The following LOXHD1 variants were observed in gnomAD, a reference collection of about 807,000 sequenced individuals.
LOXHD1 encodes the protein lipoxygenase homology PLAT domains 1, also known as lipoxygenase homology domain-containing protein 1.
Under a neutral mutation model 248.2 loss-of-function variants are expected in LOXHD1, and 205 were observed. That is an observed-to-expected ratio of 0.83 (90% CI 0.74 to 0.93). LOXHD1 has a LOEUF of 0.93. LOXHD1 is among the 40% of genes least tolerant of loss of function. The pLI is 0.00. For synonymous variants in LOXHD1, 1,113 were observed against 1,162.8 expected, an observed-to-expected ratio of 0.96 and a Z score of 0.87; for missense variants, 2,930 against 2,971.6, an observed-to-expected ratio of 0.99 and a Z score of 0.33.
intron 36 of LOXHD1, among the ~76,000 whole-genome samples, 195 bp from the exon 37 acceptor site, chr18:46,506,218 T>C (rs1288094860): frequency 1.3e-5 from 2 of 152,210 alleles, no homozygotes; most frequent in East Asian, 1.9e-4. Flanking sequence ...TCATCTTATC[T>C]TTGTGCCTTA....
intron 20 of LOXHD1, chr18:46,557,782 C>T (rs1293578874): frequency 9.1e-7 from 1 of 1,097,868 alleles, no homozygotes; most frequent in Non-Finnish European, 1.2e-6. Flanking sequence ...GATAGGTTTG[C>T]TGGATGCCCA....
intron 12 of LOXHD1, among the ~76,000 whole-genome samples, chr18:46,586,664 T>C (rs1432409226): frequency 6.6e-6 from 1 of 152,160 alleles, no homozygotes; most frequent in Non-Finnish European, 1.5e-5. Flanking sequence ...GCCAAGCTGG[T>C]CTCGAACTCC....
chr18:46,639,614 A>C lies in LOXHD1; in HGVS notation c.511+2T>G, dbSNP rs766563290. The C allele has an allele frequency of 6.4e-7, 1 of 1,550,484 alleles. No homozygotes were observed. Among genetic ancestry groups the C allele is most frequent in the Non-Finnish European group, 8.7e-7 (1 of 1,146,178 alleles). The stretch of plus-strand genomic sequence containing the variant: ...GGCAGGCAGGCCAGCCTAGGCACTG[A>C]CCTCTGGGCATGTCCATGGGGTTGA... On this transcript the variant is annotated splice_donor_variant, in intron 4 of 40. Transcript: ENST00000642948. LOFTEE classifies it high-confidence loss of function.
chr18:46,618,320 C>G, intron 4 of LOXHD1, 30 bp from the exon 5 acceptor site: 1 of 1,469,692 alleles, frequency 6.8e-7, no homozygotes, highest in Non-Finnish European at 9.3e-7. Flanking sequence ...AAAACCTTAG[C>G]TCATCAGGAT....
intron 8 of LOXHD1, among the ~76,000 whole-genome samples, chr18:46,600,845 A>AAT (rs1240447060): frequency 6.6e-6 from 1 of 152,190 alleles, no homozygotes; most frequent in Non-Finnish European, 1.5e-5. Flanking sequence ...TACAGTTATT[A>AAT]ATATATATTC....
chr18:46,478,063 A>T, intron 40 of LOXHD1, 111 bp from the exon 41 acceptor site: 1 of 1,371,906 alleles, frequency 7.3e-7, no homozygotes, highest in Non-Finnish European at 9.7e-7. Flanking sequence ...TCCCAAGGTG[A>T]TGGGATATTG....
intron 25 of LOXHD1, 29 bp from the exon 26 acceptor site, chr18:46,538,366 A>G: frequency 6.5e-7 from 1 of 1,529,922 alleles, no homozygotes; most frequent in Non-Finnish European, 8.9e-7. Context: ...GGGCAAAGCC[A>G]GAGTGGATGA....
chr18:46,573,940 G>T (rs997328022), intron 14 of LOXHD1, among the ~76,000 whole-genome samples: 1 of 152,066 alleles, frequency 6.6e-6, no homozygotes, highest in Non-Finnish European at 1.5e-5. Flanking sequence ...ATGACAGGGG[G>T]ATTTGGGAAC....
At chr18:46,557,871 T>C in intron 20 of LOXHD1, 2 of 1,164,228 alleles carry the variant, frequency 1.7e-6, no homozygotes, top group African/African-American at 1.5e-5. Context: ...GTGTGCATAA[T>C]CTGCTTCAAT....
intron 4 of LOXHD1, among the ~76,000 whole-genome samples, chr18:46,630,529 C>A (rs2038806439): frequency 6.6e-6 from 1 of 152,222 alleles, no homozygotes; most frequent in Non-Finnish European, 1.5e-5. Context: ...CATCCCAAAT[C>A]TACCTGGAGA....
intron 26 of LOXHD1, among the ~76,000 whole-genome samples, chr18:46,537,246 C>G (rs1455590552): frequency 6.6e-6 from 1 of 152,180 alleles, no homozygotes; most frequent in Non-Finnish European, 1.5e-5. Context: ...AGAGCCAGTC[C>G]TCCTGGGTTT....
intron 35 of LOXHD1, 75 bp from the exon 36 acceptor site, chr18:46,507,787 C>T (rs1362907197): frequency 6.9e-7 from 1 of 1,445,720 alleles, no homozygotes; most frequent in Admixed American, 2.1e-5. Context: ...CTCATGCAGC[C>T]CCTCCCCGAA....
intron 21 of LOXHD1, among the ~76,000 whole-genome samples, chr18:46,549,541 G>C (rs1171050916): frequency 6.6e-6 from 1 of 152,160 alleles, no homozygotes; most frequent in Non-Finnish European, 1.5e-5. Context: ...CTAACAAGCT[G>C]TGAGATCCTA....
chr18:46,607,490 G>T (rs1335807168), intron 6 of LOXHD1, among the ~76,000 whole-genome samples: 1 of 149,922 alleles, frequency 6.7e-6, no homozygotes, highest in Non-Finnish European at 1.5e-5. Flanking sequence ...GGTGATAAGT[G>T]ATATATATAT....
At chr18:46,524,011 C>T (rs1298719997) in intron 31 of LOXHD1, among the ~76,000 whole-genome samples, 1 of 152,196 alleles carries the variant, frequency 6.6e-6, no homozygotes, top group African/African-American at 2.4e-5. Context: ...TGCCAGGGAA[C>T]TCTGATATTG....
chr18:46,622,434 C>T (rs972138732), intron 4 of LOXHD1, among the ~76,000 whole-genome samples: 8 of 152,152 alleles, frequency 5.3e-5, no homozygotes, highest in Non-Finnish European at 8.8e-5. Flanking sequence ...ATTCTTAGCT[C>T]GGGGTCCACA....
In LOXHD1 at chr18:46,483,760, AG is replaced by A; in HGVS notation, c.6183-16del. 6 of 1,549,016 alleles carry A rather than the reference AG, an allele frequency of 3.9e-6. No homozygotes were observed. The highest frequency in any genetic ancestry group is 5.2e-6 in the Non-Finnish European group (6 of 1,145,512). On this transcript the variant is annotated splice_polypyrimidine_tract_variant and intron_variant, in intron 39 of 40. Transcript: ENST00000642948. ...CTGTGGTCCCCCTGCAGGAAACAAAAGTGTGGTCCATGAGCTGCCTTTGCCC... is the reference window on the plus strand; with the variant it reads ...CTGTGGTCCCCCTGCAGGAAACAAAATGTGGTCCATGAGCTGCCTTTGCCC...
chr18:46,538,422 A>C, intron 25 of LOXHD1, 85 bp from the exon 26 acceptor site: 1 of 1,347,286 alleles, frequency 7.4e-7, no homozygotes, highest in South Asian at 1.3e-5. Flanking sequence ...TCACCAGCAC[A>C]ACCAGCCCAG....
Position 46,505,986 on chromosome 18 carries a change from G to A in LOXHD1, c.5730C>T (p.Phe1910=), listed in dbSNP as rs993862992. 1.4e-5 allele frequency: 22 copies of A among 1,552,132 alleles called. No individual in the cohort carries two copies. The highest frequency in any genetic ancestry group is 2.7e-5 in the African/African-American group (2 of 73,024). The change falls in exon 37 of 41, where the codon TTC becomes TTT. Residue 1910 remains phenylalanine, a synonymous_variant. Coordinates refer to ENST00000642948, the MANE Select transcript of LOXHD1 (RefSeq NM_001384474.1). ...GTDANVFIII[F]GENGDSGTLA... ...GTGTCCCACTATCCCCGTTCTCCCC[G>A]AAGATGATGATGAACACGTTGGCAT...
Sources: gnomAD v4.1 joint callset for allele counts (sites outside exome capture counted in the v4.1 genomes callset) on GRCh38, gnomAD v4.1.1 for gene constraint, MANE v1.5 for transcripts, NCBI Gene and HGNC (gene_info 2026-07-23, HGNC 2026-07-21) for gene names.